DMD: variants seen among roughly 807,000 people sequenced by gnomAD.
The protein encoded by DMD is dystrophin, also known as mutant dystrophin.
In DMD, 63 loss-of-function variants were observed where a neutral mutation model predicts 330.1. That is an observed-to-expected ratio of 0.19 (90% CI 0.16 to 0.24). DMD has a LOEUF of 0.24. Among genes scored for constraint, DMD ranks in the 10% least tolerant of loss-of-function variants. DMD has a pLI of 1.00. For synonymous variants in DMD, 1,223 were observed against 959.8 expected, an observed-to-expected ratio of 1.27 and a Z score of -5.07; for missense variants, 3,344 against 2,684.1, an observed-to-expected ratio of 1.25 and a Z score of -5.43.
At chrX:31,649,507 A>G (rs750394149) in intron 54 of DMD, among the ~76,000 whole-genome samples, 8 of 111,740 alleles carry the variant, frequency 7.2e-5, no homozygotes, top group Non-Finnish European at 1.3e-4. Flanking sequence ...CATATGGATC[A>G]TGACACTCTC....
At chrX:32,100,965 A>T (rs1280550631) in intron 44 of DMD, among the ~76,000 whole-genome samples, 2 of 111,605 alleles carry the variant, frequency 1.8e-5, no homozygotes, top group African/African-American at 3.3e-5. Flanking sequence ...TCTCGAGGCA[A>T]ATATTTAGTG....
At chrX:32,282,511 T>C (rs1230472035) in intron 43 of DMD, among the ~76,000 whole-genome samples, 1 of 112,144 alleles carries the variant, frequency 8.9e-6, no homozygotes, top group Non-Finnish European at 1.9e-5. Context: ...TGACTGTTAG[T>C]GAACAATCAG....
At chrX:32,886,619 C>G (rs1390534785) in intron 2 of DMD, among the ~76,000 whole-genome samples, 1 of 110,249 alleles carries the variant, frequency 9.1e-6, no homozygotes, top group Admixed American at 9.6e-5. Context: ...GGAGGCGAAG[C>G]TTGCAGTGAG....
chrX:32,336,645 A>G (rs2097717091), intron 41 of DMD, among the ~76,000 whole-genome samples: 1 of 111,931 alleles, frequency 8.9e-6, no homozygotes, highest in Non-Finnish European at 1.9e-5. Context: ...AGTATAGGGA[A>G]TATAAAACAT....
chrX:32,570,802 T>C (rs759206698), intron 15 of DMD, among the ~76,000 whole-genome samples: 1 of 111,857 alleles, frequency 8.9e-6, no homozygotes, highest in East Asian at 2.8e-4. Context: ...ATGCAAAATC[T>C]CATCTAGCTT....
chrX:32,609,254 T>C (rs1319510809), intron 12 of DMD, among the ~76,000 whole-genome samples: 2 of 111,022 alleles, frequency 1.8e-5, no homozygotes, highest in Non-Finnish European at 1.9e-5. Flanking sequence ...GCCTCCTGTT[T>C]CTCTGCTCTT....
chrX:31,274,782 A>T (rs1284060159), intron 62 of DMD, among the ~76,000 whole-genome samples: 3 of 112,385 alleles, frequency 2.7e-5, no homozygotes, highest in Non-Finnish European at 5.6e-5. Context: ...GTATTTATGG[A>T]ACACTTACAT....
chrX:31,265,667 C>T (rs1043231572), intron 62 of DMD, among the ~76,000 whole-genome samples: 1 of 108,605 alleles, frequency 9.2e-6, no homozygotes, highest in African/African-American at 3.4e-5. Context: ...TTCATATAAC[C>T]GTGTTGCTTC....
intron 54 of DMD, among the ~76,000 whole-genome samples, chrX:31,634,546 A>G (rs1334185204): frequency 1.8e-5 from 2 of 111,727 alleles, no homozygotes; most frequent in East Asian, 5.6e-4. Context: ...TGATACAGAC[A>G]TTTTATTTTT....
At chrX:32,043,195 C>T (rs955318641) in intron 44 of DMD, among the ~76,000 whole-genome samples, 3 of 111,352 alleles carry the variant, frequency 2.7e-5, no homozygotes, top group East Asian at 2.8e-4. Context: ...ATAAAAAACC[C>T]ATTGAAAGAA....
At chrX:32,731,040 C>A (rs7061357) in intron 7 of DMD, among the ~76,000 whole-genome samples, 4 of 111,238 alleles carry the variant, frequency 3.6e-5, no homozygotes, top group African/African-American at 1.3e-4. Context: ...GTGGGCGCAG[C>A]TCAGTGGGTG....
intron 44 of DMD, among the ~76,000 whole-genome samples, chrX:32,127,599 C>T (rs2096668001): frequency 9.0e-6 from 1 of 111,565 alleles, no homozygotes; most frequent in African/African-American, 3.3e-5. Flanking sequence ...TGGATCTCAG[C>T]TCTCCCCTAA....
chrX:32,648,908 G>T (rs889794598), intron 9 of DMD, among the ~76,000 whole-genome samples: 1 of 111,223 alleles, frequency 9.0e-6, no homozygotes, highest in Non-Finnish European at 1.9e-5. Context: ...GTTGGTTTTT[G>T]TTCTTTATAG....
At chrX:32,421,105 T>C (rs183332627) in intron 29 of DMD, among the ~76,000 whole-genome samples, 14 of 112,094 alleles carry the variant, frequency 1.2e-4, no homozygotes, top group Admixed American at 1.0e-3. Context: ...CCTACCCAAT[T>C]ACATGAAGAT....
At chrX:32,073,636 T>G (rs2096318849) in intron 44 of DMD, among the ~76,000 whole-genome samples, 1 of 111,743 alleles carries the variant, frequency 8.9e-6, no homozygotes, top group Non-Finnish European at 1.9e-5. Context: ...GACTCATAAG[T>G]TTTCAAAGAA....
At chrX:32,524,086 C>A (rs1287559173) in intron 17 of DMD, among the ~76,000 whole-genome samples, 1 of 109,162 alleles carries the variant, frequency 9.2e-6, no homozygotes, top group Non-Finnish European at 1.9e-5. Context: ...GCGCCCGCCA[C>A]CACGCCCGGC....
At chrX:32,631,553 G>C (rs1460218307) in intron 11 of DMD, among the ~76,000 whole-genome samples, 1 of 111,749 alleles carries the variant, frequency 8.9e-6, no homozygotes, top group Admixed American at 9.5e-5. Context: ...AGGCTTAAAT[G>C]GCTCATGGTT....
chrX:32,249,780 T>C (rs1164613051), intron 43 of DMD, among the ~76,000 whole-genome samples: 1 of 111,418 alleles, frequency 9.0e-6, no homozygotes, highest in African/African-American at 3.3e-5. Flanking sequence ...TTCTTTCTAT[T>C]CTTGTCCTTG....
intron 9 of DMD, among the ~76,000 whole-genome samples, chrX:32,647,506 A>G (rs1382390970): frequency 9.0e-6 from 1 of 111,693 alleles, no homozygotes; most frequent in Non-Finnish European, 1.9e-5. Context: ...AACGACCAAG[A>G]AACCCTATCA....
Sources: allele counts gnomAD v4.1 joint callset (sites outside exome capture counted in the v4.1 genomes callset), GRCh38; gene constraint gnomAD v4.1.1; transcripts MANE v1.5; gene names NCBI Gene and HGNC (gene_info 2026-07-23, HGNC 2026-07-21).